Variants in DAAM1 observed in about 807,000 individuals in gnomAD.
The protein encoded by DAAM1 is disheveled-associated activator of morphogenesis 1.
A neutral mutation model predicts 130.0 loss-of-function variants in DAAM1; 52 were observed. The observed-to-expected ratio is 0.40, with a 90% CI of 0.32 to 0.50. The LOEUF (loss-of-function observed/expected upper bound fraction) is 0.50. DAAM1 is among the 20% of genes least tolerant of loss of function. The probability of loss-of-function intolerance (pLI) is 0.61; values close to 1 mark genes in which losing one functional copy is unlikely to be tolerated. For missense variants in DAAM1, 1,134 were observed against 1,303.8 expected, an observed-to-expected ratio of 0.87 and a Z score of 2.01; for synonymous variants, 452 against 444.5, an observed-to-expected ratio of 1.02 and a Z score of -0.21.
intron 20 of DAAM1, among the ~76,000 whole-genome samples, chr14:59,358,122 G>A (rs554635543): frequency 6.6e-6 from 1 of 152,328 alleles, no homozygotes; most frequent in East Asian, 1.9e-4. Flanking sequence ...GATCCTGGTT[G>A]CTTGATAAAA....
chr14:59,347,768 T>A, intron 17 of DAAM1, 145 bp downstream of exon 17: 1 of 715,386 alleles, frequency 1.4e-6, no homozygotes. Flanking sequence ...TGTGACTCTG[T>A]TAGGAAACTT....
At chr14:59,225,482 C>A (rs999483280) in intron 1 of DAAM1, among the ~76,000 whole-genome samples, 4 of 152,208 alleles carry the variant, frequency 2.6e-5, no homozygotes, top group African/African-American at 9.7e-5. Context: ...GCAAGTGTTT[C>A]CCTGTCTAAA....
At chr14:59,210,255 C>T (rs1334815700) in intron 1 of DAAM1, among the ~76,000 whole-genome samples, 1 of 152,246 alleles carries the variant, frequency 6.6e-6, no homozygotes. Context: ...CCATTGCCTA[C>T]AATGAGTATT....
chr14:59,344,071 C>T (rs536802908), intron 16 of DAAM1, among the ~76,000 whole-genome samples: 106 of 152,264 alleles, frequency 7.0e-4, no homozygotes, highest in Non-Finnish European at 1.2e-3. Context: ...GCGGGGGAGA[C>T]AGAAACTTGG....
rs1888959916 is a variant in DAAM1 at position 59,226,960 on chromosome 14, T to A, written c.-37-36481T>A. 2.0e-5 allele frequency among the ~76,000 whole-genome samples: 3 copies of A among 152,272 alleles called. No individual in the cohort carries two copies. In the South Asian group the frequency reaches 6.2e-4, roughly 32 times the overall value. The stretch of plus-strand genomic sequence containing the variant: ...AATAGTGCCTCTGGAGTTGTACAAG[T>A]TATAGTTCCACCTTTCCATGTCTCT... On this transcript the variant is annotated intron_variant, in intron 1 of 24. Coordinates refer to ENST00000360909, the MANE Select transcript of DAAM1 (RefSeq NM_001270520.2).
chr14:59,250,885 CTCTG>C (rs1360980424), intron 1 of DAAM1, among the ~76,000 whole-genome samples: 1 of 152,128 alleles, frequency 6.6e-6, no homozygotes, highest in Non-Finnish European at 1.5e-5. Flanking sequence ...TTTCTTTCTT[CTCTG>C]TCTTTTATTC....
intron 1 of DAAM1, among the ~76,000 whole-genome samples, chr14:59,260,370 A>G (rs1412480009): frequency 6.6e-6 from 1 of 152,214 alleles, no homozygotes; most frequent in Non-Finnish European, 1.5e-5. Flanking sequence ...AAACAAGGTA[A>G]TCTCTACATT....
At chr14:59,287,756 A>C (rs1259707993) in intron 2 of DAAM1, among the ~76,000 whole-genome samples, 1 of 152,124 alleles carries the variant, frequency 6.6e-6, no homozygotes, top group Non-Finnish European at 1.5e-5. Flanking sequence ...ATTACACTGC[A>C]GAAAGAAATC....
At chr14:59,204,783 G>A (rs1888210521) in intron 1 of DAAM1, among the ~76,000 whole-genome samples, 1 of 152,198 alleles carries the variant, frequency 6.6e-6, no homozygotes, top group Non-Finnish European at 1.5e-5. Flanking sequence ...TGTAATTCCA[G>A]CACTTTGGGA....
At chr14:59,239,634 GC>G (rs147244615) in intron 1 of DAAM1, among the ~76,000 whole-genome samples, 93 of 151,814 alleles carry the variant, frequency 6.1e-4, no homozygotes, top group Non-Finnish European at 1.0e-3. Flanking sequence ...TCCCCACCGC[GC>G]CCCCACCCCG....
intron 1 of DAAM1, among the ~76,000 whole-genome samples, chr14:59,207,922 C>T (rs1423620401): frequency 6.6e-6 from 1 of 152,108 alleles, no homozygotes; most frequent in Non-Finnish European, 1.5e-5. Flanking sequence ...TTTTCAAGGC[C>T]ATTCTGAAAC....
intron 4 of DAAM1, among the ~76,000 whole-genome samples, chr14:59,320,039 A>G (rs1344187400): frequency 2.6e-5 from 4 of 152,148 alleles, no homozygotes; most frequent in Admixed American, 1.3e-4. Flanking sequence ...AATAGCTCCA[A>G]ATTAATTTTT....
At chr14:59,317,753 A>T (rs1884844978) in intron 4 of DAAM1, among the ~76,000 whole-genome samples, 1 of 152,202 alleles carries the variant, frequency 6.6e-6, no homozygotes, top group South Asian at 2.1e-4. Context: ...AGGTTATCTA[A>T]TTAGGAGGTG....
intron 12 of DAAM1, 52 bp from the exon 13 acceptor site, chr14:59,330,449 C>T (rs1885381833): frequency 6.8e-7 from 1 of 1,475,798 alleles, no homozygotes; most frequent in Admixed American, 2.4e-5. Context: ...AGAGAAAATG[C>T]TTCAGCTTTG....
intron 1 of DAAM1, among the ~76,000 whole-genome samples, chr14:59,242,451 C>T (rs552520586): frequency 6.6e-6 from 1 of 152,304 alleles, no homozygotes; most frequent in Non-Finnish European, 1.5e-5. Flanking sequence ...CACTCCATCC[C>T]CTGGACAGTG....
intron 22 of DAAM1, chr14:59,363,137 A>G (rs1320344758): frequency 6.4e-6 from 1 of 156,826 alleles, no homozygotes; most frequent in Non-Finnish European, 1.4e-5. Flanking sequence ...GGTATGGACA[A>G]GAGAAAAATG....
Position 59,349,432 on chromosome 14 carries a change from G to C in DAAM1, c.2160+1809G>C, listed in dbSNP as rs369212819. On this transcript the variant is annotated intron_variant, in intron 17 of 24. Transcript: ENST00000360909. ...ACTGAAGCAGAATCTGGACAAGTAG[G>C]ATATTTTTTGACCTGGCCTGTCCTG... Among the ~76,000 whole-genome samples the C allele has an allele frequency of 2.0e-5, 3 of 152,220 alleles. No individual in the cohort carries two copies. In the East Asian group the frequency reaches 5.8e-4, roughly 29 times the overall value.
intron 14 of DAAM1, 152 bp from the exon 15 acceptor site, chr14:59,331,661 C>T: frequency 1.3e-6 from 2 of 1,498,872 alleles, no homozygotes; most frequent in Non-Finnish European, 1.8e-6. Flanking sequence ...AGTGATAAAG[C>T]TTCTGAAATA....
chr14:59,326,431 G>A, intron 10 of DAAM1, 79 bp from the exon 11 acceptor site: 2 of 1,437,338 alleles, frequency 1.4e-6, no homozygotes, highest in Non-Finnish European at 1.9e-6. Flanking sequence ...GGCTTTAAAG[G>A]GTGACCACCA....
Sources: allele counts gnomAD v4.1 joint callset (sites outside exome capture counted in the v4.1 genomes callset), GRCh38; gene constraint gnomAD v4.1.1; transcripts MANE v1.5; gene names NCBI Gene and HGNC (gene_info 2026-07-23, HGNC 2026-07-21).